IKZF1: variants seen among roughly 807,000 people sequenced by gnomAD.
The protein encoded by IKZF1 is DNA-binding protein Ikaros.
IKZF1 carries 10 observed loss-of-function variants against 51.7 expected under a neutral mutation model. The observed-to-expected ratio is 0.19, with a 90% confidence interval of 0.12 to 0.33. The LOEUF (loss-of-function observed/expected upper bound fraction) is 0.33. Among genes scored for constraint, IKZF1 ranks in the 10% least tolerant of loss-of-function variants. IKZF1 has a pLI of 1.00. For missense variants in IKZF1, 484 were observed against 707.5 expected (o/e 0.68, Z 3.58); for synonymous variants, 280 against 282.3 (o/e 0.99, Z 0.08).
chr7:50,394,402 G>A (rs1232498869), intron 7 of IKZF1: 1 of 233,164 alleles, frequency 4.3e-6, no homozygotes, highest in Non-Finnish European at 8.5e-6. Context: ...CGGATGCTGA[G>A]TTTAGCCTTC....
chr7:50,345,515 G>A (rs760851935), intron 3 of IKZF1, among the ~76,000 whole-genome samples: 3 of 152,166 alleles, frequency 2.0e-5, no homozygotes, highest in Non-Finnish European at 4.4e-5. Flanking sequence ...TGGGATCCCC[G>A]GGAGGTGGAA....
At chr7:50,385,799 A>G (rs969148112) in intron 5 of IKZF1, among the ~76,000 whole-genome samples, 1 of 152,232 alleles carries the variant, frequency 6.6e-6, no homozygotes, top group Admixed American at 6.5e-5. Flanking sequence ...GCTCAATAAA[A>G]TGTGCAATTT....
At chr7:50,384,574 C>G (rs1362728864) in intron 5 of IKZF1, among the ~76,000 whole-genome samples, 1 of 152,228 alleles carries the variant, frequency 6.6e-6, no homozygotes, top group Non-Finnish European at 1.5e-5. Flanking sequence ...AAGACAGTAG[C>G]ATGACGGTGA....
chr7:50,329,901 G>A (rs1202564525), intron 3 of IKZF1, among the ~76,000 whole-genome samples: 2 of 152,210 alleles, frequency 1.3e-5, no homozygotes, highest in Non-Finnish European at 2.9e-5. Context: ...CGTGGCTAGG[G>A]CATCTTTAGA....
Position 50,370,049 on chromosome 7 carries a change from G to A in IKZF1, c.161-6484G>A, listed in dbSNP as rs115431896. Among the ~76,000 whole-genome samples the A allele has an allele frequency of 3.2e-3, 492 of 151,958 alleles. 1 individual carries two copies. The highest frequency in any genetic ancestry group is 8.3e-3 in the African/African-American group (342 of 41,418). On this transcript the variant is annotated intron_variant, in intron 3 of 7. Coordinates refer to ENST00000331340, the MANE Select transcript of IKZF1 (RefSeq NM_006060.6). Reference sequence around the variant, plus strand: ...CACCTCAAATTTTCATTTAATTACCGTGATTCAAGATATATCTTAAATATT... The same window carrying A: ...CACCTCAAATTTTCATTTAATTACCATGATTCAAGATATATCTTAAATATT...
intron 1 of IKZF1, among the ~76,000 whole-genome samples, chr7:50,309,164 G>A (rs1448659581): frequency 6.6e-6 from 1 of 152,190 alleles, no homozygotes; most frequent in Non-Finnish European, 1.5e-5. Context: ...GCTGAAAATG[G>A]GTCCTAATTA....
chr7:50,331,104 A>G (rs1426316703), intron 3 of IKZF1, among the ~76,000 whole-genome samples: 3 of 152,208 alleles, frequency 2.0e-5, no homozygotes, highest in African/African-American at 2.4e-5. Context: ...TAGCAAAGAC[A>G]CAAAGTAAAA....
intron 3 of IKZF1, among the ~76,000 whole-genome samples, chr7:50,375,131 T>C (rs1809843982): frequency 6.6e-6 from 1 of 152,170 alleles, no homozygotes; most frequent in African/African-American, 2.4e-5. Flanking sequence ...TCAAAAATTA[T>C]GTGGTCTAGG....
chr7:50,326,999 A>G (rs921927927), intron 2 of IKZF1, among the ~76,000 whole-genome samples: 19 of 152,220 alleles, frequency 1.2e-4, no homozygotes, highest in African/African-American at 4.6e-4. Flanking sequence ...TGGTGTGGCA[A>G]GCTCATTGTG....
intron 2 of IKZF1, among the ~76,000 whole-genome samples, chr7:50,322,201 A>G (rs1259174392): frequency 1.5e-4 from 23 of 152,222 alleles, no homozygotes; most frequent in Admixed American, 1.5e-3. Flanking sequence ...ATAAGGATGT[A>G]CATTTAACCA....
intron 3 of IKZF1, among the ~76,000 whole-genome samples, chr7:50,336,561 G>A (rs1296755096): frequency 6.6e-6 from 1 of 152,186 alleles, no homozygotes; most frequent in Admixed American, 6.5e-5. Context: ...TGGGACAGGC[G>A]GTGGCGAGAG....
intron 3 of IKZF1, among the ~76,000 whole-genome samples, chr7:50,372,844 G>A (rs1237464235): frequency 6.6e-6 from 1 of 152,184 alleles, no homozygotes; most frequent in Non-Finnish European, 1.5e-5. Context: ...TTTCGACTAG[G>A]AGTTTGAAAA....
chr7:50,359,522 T>C (rs1178772589), intron 3 of IKZF1, among the ~76,000 whole-genome samples: 2 of 152,214 alleles, frequency 1.3e-5, no homozygotes, highest in Admixed American at 6.5e-5. Flanking sequence ...ACCACTGTCC[T>C]TCTGCATGGA....
chr7:50,344,218 G>T (rs1242620467), intron 3 of IKZF1, among the ~76,000 whole-genome samples: 3 of 152,306 alleles, frequency 2.0e-5, no homozygotes, highest in East Asian at 3.9e-4. Context: ...CTAAGTATAT[G>T]ACATGTAAAG....
At chr7:50,333,464 G>C (rs1796867325) in intron 3 of IKZF1, among the ~76,000 whole-genome samples, 2 of 152,178 alleles carry the variant, frequency 1.3e-5, no homozygotes, top group Non-Finnish European at 2.9e-5. Flanking sequence ...TTTTGAGCAC[G>C]GATGCGGAGC....
rs1405705752 is a variant in IKZF1, at chr7:50,400,024, C to A, written c.957C>A (p.Ile319=). The A allele has an allele frequency of 6.2e-7, 1 of 1,612,928 alleles. No individual in the cohort carries two copies. The highest frequency in any genetic ancestry group is 8.5e-7 in the Non-Finnish European group (1 of 1,179,590). Residue 319 remains isoleucine (I), a synonymous_variant, in exon 8 of 8, where the codon ATC becomes ATA. Transcript: ENST00000331340. This position sits in a 1 kb window ranked among gnomAD's most constrained non-coding sequence, Gnocchi z 5.4. ...TGGACCAAGCCATCAACAACGCCATCAACTACCTGGGGGCCGAGTCCCTGC... is the reference window on the plus strand; with the variant it reads ...TGGACCAAGCCATCAACAACGCCATAAACTACCTGGGGGCCGAGTCCCTGC... ...HVMDQAINNA[I]NYLGAESLRP...
rs1562874267 is a variant in IKZF1 at position 50,382,532 on chromosome 7, CGT to C, written c.422-7_422-6del. 6.2e-7 allele frequency: 1 copy of C among 1,610,274 alleles called. No individual in the cohort carries two copies. Among genetic ancestry groups the C allele is most frequent in the Non-Finnish European group, 8.5e-7 (1 of 1,177,188 alleles). ...TAGTTCTCACCAGCTCTCCTCTCTC[CGT>C]CCCAGGAGAACGGCCCTTCCAGTGC... On this transcript the variant is annotated splice_region_variant and splice_polypyrimidine_tract_variant and intron_variant, in intron 4 of 7. Transcript: ENST00000331340.
chr7:50,350,392 A>T (rs1022363764), intron 3 of IKZF1, among the ~76,000 whole-genome samples: 1 of 152,284 alleles, frequency 6.6e-6, no homozygotes, highest in East Asian at 1.9e-4. Flanking sequence ...GCAGATGCTA[A>T]GTTTGATTTT....
At chr7:50,361,822 G>T (rs1317744248) in intron 3 of IKZF1, among the ~76,000 whole-genome samples, 1 of 152,048 alleles carries the variant, frequency 6.6e-6, no homozygotes, top group Non-Finnish European at 1.5e-5. Context: ...GTTGCAGTGA[G>T]CCAAGATCAT....
Sources: gnomAD v4.1 joint callset for allele counts (sites outside exome capture counted in the v4.1 genomes callset) on GRCh38, gnomAD v4.1.1 for gene constraint, Gnocchi (gnomAD v3.1) non-coding constraint, MANE v1.5 for transcripts, NCBI Gene and HGNC (gene_info 2026-07-23, HGNC 2026-07-21) for gene names.